Variants in BICC1 observed in about 807,000 individuals in gnomAD.
BICC1 encodes the protein protein bicaudal C homolog 1.
Under a neutral mutation model 111.0 loss-of-function variants are expected in BICC1, and 43 were observed. The observed-to-expected ratio is 0.39, with a 90% CI of 0.30 to 0.50. The LOEUF is 0.50. Among genes scored for constraint, BICC1 ranks in the 20% least tolerant of loss-of-function variants. The pLI is 0.88. For synonymous variants in BICC1, 467 were observed against 434.4 expected (o/e 1.07, Z -0.93); for missense variants, 1,091 against 1,203.2 (o/e 0.91, Z 1.38).
chr10:58,574,502 A>G lies in BICC1; in HGVS notation c.191-46353A>G, dbSNP rs182736428. 2.8e-4 allele frequency among the ~76,000 whole-genome samples: 36 copies of G among 130,054 alleles called. 1 individual carries two copies. Among genetic ancestry groups the G allele is most frequent in the African/African-American group, 9.0e-4 (36 of 39,904 alleles). The allele number at this position is 130,054 out of a possible 152,430, so 85.3% of individuals were successfully genotyped here. A position where few individuals can be genotyped will look rare whatever the true frequency, so the allele number is the denominator to read the frequency against. On this transcript the variant is annotated intron_variant, in intron 1 of 20. Transcript: ENST00000373886. ...TATGTTAAAGTACTATGTGTTCACA[A>G]ATACAAGCTTAATTTTATACATATG...
intron 3 of BICC1, among the ~76,000 whole-genome samples, chr10:58,748,538 G>A (rs953297585): frequency 1.8e-4 from 27 of 151,460 alleles, no homozygotes; most frequent in Admixed American, 3.3e-4. Flanking sequence ...TTCAGAATTC[G>A]ATTTTTATCT....
At chr10:58,761,963 C>G (rs941313132) in intron 3 of BICC1, among the ~76,000 whole-genome samples, 1 of 152,084 alleles carries the variant, frequency 6.6e-6, no homozygotes, top group Non-Finnish European at 1.5e-5. Flanking sequence ...GATGAAAGAA[C>G]GTCAGACTGT....
At chr10:58,779,450 G>T (rs993593853) in intron 3 of BICC1, among the ~76,000 whole-genome samples, 2 of 152,182 alleles carry the variant, frequency 1.3e-5, no homozygotes, top group East Asian at 3.9e-4. Context: ...CCAGATTTAG[G>T]CTAGTTTAAG....
In BICC1 at chr10:58,813,701, A is replaced by G. The variant is rs1300740397; in HGVS notation, c.2377-129A>G. Reference sequence around the variant, plus strand: ...TTCCACAGCCTTCCCGAGAGTCAACACTCATGAGTAACTGCGGTGGTTGGC... The same window carrying G: ...TTCCACAGCCTTCCCGAGAGTCAACGCTCATGAGTAACTGCGGTGGTTGGC... On this transcript the variant is annotated intron_variant, in intron 17 of 20. Coordinates refer to ENST00000373886, the MANE Select transcript of BICC1 (RefSeq NM_001080512.3). 4.3e-6 allele frequency: 4 copies of G among 928,072 alleles called. No individual in the cohort carries two copies. The South Asian group carries it at 6.5e-5, about 15-fold the overall frequency. The allele number at this position is 928,072 out of a possible 1,614,324, so 57.5% of individuals were successfully genotyped here.
Position 58,793,609 on chromosome 10 carries a change from A to C in BICC1, c.1173A>C (p.Pro391=). 6.2e-7 allele frequency: 1 copy of C among 1,613,776 alleles called. No homozygotes were observed. Among genetic ancestry groups the C allele is most frequent in the African/African-American group, 1.3e-5 (1 of 75,042 alleles). Reference sequence around the variant, plus strand: ...GTATTAAACCAAAGCCCAAACAGCCAAGCAAGGTTGGTTCAGAGTCTGAAT... The same window carrying C: ...GTATTAAACCAAAGCCCAAACAGCCCAGCAAGGTTGGTTCAGAGTCTGAAT... ...FISIKPKPKQ[P]SKSVIVKSVE... is the part of the protein sequence containing the mutation. Residue 391 remains proline, a synonymous_variant, in exon 9 of 21, where the codon CCA becomes CCC. Transcript: ENST00000373886.
At chr10:58,721,106 G>A (rs1302968952) in intron 3 of BICC1, among the ~76,000 whole-genome samples, 2 of 152,208 alleles carry the variant, frequency 1.3e-5, no homozygotes, top group Non-Finnish European at 2.9e-5. Flanking sequence ...TGAAGGGCTG[G>A]AGTCAGAACA....
At chr10:58,658,578 A>G (rs948383710) in intron 2 of BICC1, among the ~76,000 whole-genome samples, 2 of 152,190 alleles carry the variant, frequency 1.3e-5, no homozygotes, top group South Asian at 2.1e-4. Context: ...TTAGCATTGT[A>G]TAATAAAGAG....
chr10:58,618,981 T>C (rs1256639616), intron 1 of BICC1, among the ~76,000 whole-genome samples: 1 of 151,524 alleles, frequency 6.6e-6, no homozygotes, highest in South Asian at 2.1e-4. Context: ...CTTTGTCATC[T>C]CTGATCTGTC....
chr10:58,607,247 C>T (rs1180451415), intron 1 of BICC1, among the ~76,000 whole-genome samples: 2 of 151,456 alleles, frequency 1.3e-5, no homozygotes, highest in Non-Finnish European at 2.9e-5. Flanking sequence ...ACCCGGGAGG[C>T]GGAGGTTGCA....
chr10:58,540,978 G>A (rs916907637), intron 1 of BICC1, among the ~76,000 whole-genome samples: 1 of 152,030 alleles, frequency 6.6e-6, no homozygotes, highest in Non-Finnish European at 1.5e-5. Flanking sequence ...AATTGATGCA[G>A]AAGAAGCATT....
chr10:58,792,988 A>C (rs912079073), intron 8 of BICC1, among the ~76,000 whole-genome samples: 1 of 152,142 alleles, frequency 6.6e-6, no homozygotes, highest in African/African-American at 2.4e-5. Flanking sequence ...CCTAACCTGG[A>C]GGAAGGGGAA....
rs77892217 is a variant in BICC1, at chr10:58,647,682, C to T, written c.237+26781C>T. Among the ~76,000 whole-genome samples the T allele has an allele frequency of 3.1e-3, 477 of 152,124 alleles. 3 individuals are homozygous for T. The highest frequency in any genetic ancestry group is 0.011 in the African/African-American group (457 of 41,494). On this transcript the variant is annotated intron_variant, in intron 2 of 20. Transcript: ENST00000373886. ...CAAATCCCAGAACCCTCTTTGGCTG[C>T]TCATAGCTACTTTTCAATCTTTTTG...
At chr10:58,644,843 T>C (rs4526729) in intron 2 of BICC1, among the ~76,000 whole-genome samples, 151,526 of 152,256 alleles carry the variant, frequency 1, 75,399 homozygotes, top group Middle Eastern at 1. Flanking sequence ...AGATTTTGCC[T>C]ATCATTTTGA....
intron 2 of BICC1, among the ~76,000 whole-genome samples, chr10:58,621,903 T>TTAGAACAGAATAGAATAGAA (rs1845821051): frequency 2.2e-5 from 1 of 44,742 alleles, no homozygotes. Context: ...GTCTCTAAAA[T>TTAGAACAGAATAGAATAGAA]TAGAATAGAA....
intron 3 of BICC1, among the ~76,000 whole-genome samples, chr10:58,772,651 C>T (rs981324076): frequency 2.3e-4 from 35 of 152,068 alleles, no homozygotes; most frequent in African/African-American, 7.0e-4. Flanking sequence ...AGTAGATACA[C>T]TCAGAAAAGT....
intron 1 of BICC1, among the ~76,000 whole-genome samples, chr10:58,539,400 G>A (rs964606391): frequency 2.0e-5 from 3 of 151,576 alleles, no homozygotes; most frequent in African/African-American, 7.3e-5. Context: ...CTGGCAAGCA[G>A]GAGAGAGGTG....
At chr10:58,563,326 A>G (rs1378125964) in intron 1 of BICC1, among the ~76,000 whole-genome samples, 1 of 152,078 alleles carries the variant, frequency 6.6e-6, no homozygotes, top group Admixed American at 6.5e-5. Context: ...AACTTTAGGC[A>G]GCTCCCTGTA....
intron 3 of BICC1, among the ~76,000 whole-genome samples, chr10:58,742,897 A>G (rs1841714273): frequency 6.6e-6 from 1 of 152,162 alleles, no homozygotes; most frequent in South Asian, 2.1e-4. Flanking sequence ...AGAACTAGCT[A>G]TTAGATTCAG....
At chr10:58,745,226 G>T (rs1317940244) in intron 3 of BICC1, among the ~76,000 whole-genome samples, 1 of 152,186 alleles carries the variant, frequency 6.6e-6, no homozygotes, top group East Asian at 1.9e-4. Flanking sequence ...CCTGGCTTAG[G>T]GGATTGGGCT....
Sources: gnomAD v4.1 joint callset for allele counts (sites outside exome capture counted in the v4.1 genomes callset) on GRCh38, gnomAD v4.1.1 for gene constraint, MANE v1.5 for transcripts, NCBI Gene and HGNC (gene_info 2026-07-23, HGNC 2026-07-21) for gene names.